Variants in BCAS1 observed in about 807,000 individuals in gnomAD.
BCAS1 encodes the protein brain enriched myelin associated protein 1.
In BCAS1, 46 loss-of-function variants were observed where a neutral mutation model predicts 65.4. That is an observed-to-expected ratio of 0.70 (90% CI 0.55 to 0.90). The LOEUF is 0.90. BCAS1 is among the 40% of genes least tolerant of loss of function. BCAS1 has a pLI of 0.00. For synonymous variants in BCAS1, 298 were observed against 293.5 expected, an observed-to-expected ratio of 1.02 and a Z score of -0.16; for missense variants, 793 against 771.2, an observed-to-expected ratio of 1.03 and a Z score of -0.33.
chr20:53,966,802 C>T (rs1746721098), intron 10 of BCAS1, 104 bp downstream of exon 10: 2 of 1,116,572 alleles, frequency 1.8e-6, no homozygotes, highest in Non-Finnish European at 2.6e-6. Flanking sequence ...ATTCCATACA[C>T]ACCAGCTACA....
At chr20:53,984,463 C>G (rs2090562017) in intron 8 of BCAS1, among the ~76,000 whole-genome samples, 1 of 152,200 alleles carries the variant, frequency 6.6e-6, no homozygotes, top group African/African-American at 2.4e-5. Context: ...CGGAGTAAAG[C>G]TGACACCACA....
Position 54,017,024 on chromosome 20 carries a change from C to T in BCAS1, c.723+11368G>A, listed in dbSNP as rs79904016. ...TCTAGCCCAGGGCCTTAGCATGGTA[C>T]ATCATCATTAATCCATAGTTATTAA... On this transcript the variant is annotated intron_variant, in intron 4 of 12. Transcript: ENST00000688948. Among the ~76,000 whole-genome samples the T allele has an allele frequency of 5.9e-5, 9 of 152,280 alleles. No homozygotes were observed. The East Asian group carries it at 1.7e-3, about 29-fold the overall frequency.
rs6127067 is a variant in BCAS1 at position 54,035,853 on chromosome 20, A to G, written c.143-6881T>C. On this transcript the variant is annotated intron_variant, in intron 3 of 12. Transcript: ENST00000688948. ...GATAAAGAAAATGTGGTACATATAC[A>G]CCATGGAATACTATGCAGCCATAAA... Among the ~76,000 whole-genome samples, 85 of 151,536 alleles carry G rather than the reference A, an allele frequency of 5.6e-4. No individual in the cohort carries two copies. In the East Asian group the frequency reaches 8.7e-3, roughly 15 times the overall value.
At chr20:54,030,715 A>G (rs559087496) in intron 3 of BCAS1, among the ~76,000 whole-genome samples, 5 of 151,504 alleles carry the variant, frequency 3.3e-5, no homozygotes, top group African/African-American at 1.2e-4. Flanking sequence ...AGCTGGATTA[A>G]GCATTGAGGC....
intron 4 of BCAS1, among the ~76,000 whole-genome samples, chr20:54,010,950 G>A (rs1317331664): frequency 6.6e-6 from 1 of 152,102 alleles, no homozygotes; most frequent in Non-Finnish European, 1.5e-5. Flanking sequence ...GACGACTTTT[G>A]ACAAAGGTGT....
chr20:54,048,992 C>G (rs2092162040), intron 3 of BCAS1, among the ~76,000 whole-genome samples: 1 of 152,192 alleles, frequency 6.6e-6, no homozygotes, highest in Non-Finnish European at 1.5e-5. Context: ...ATAGTGGACA[C>G]TAGGAGAACA....
Position 54,058,693 on chromosome 20 carries a change from T to C in BCAS1, c.26A>G (p.Gln9Arg). 1 of 1,612,614 alleles carries C rather than the reference T, an allele frequency of 6.2e-7. No homozygotes were observed. Among genetic ancestry groups the C allele is most frequent in the Non-Finnish European group, 8.5e-7 (1 of 1,179,726 alleles). ...TTCATTCTCTTGGTCTTCAACTCTT[T>C]GGGGAACACTCATTTGGTTACCCAT... MGNQMSVP[Q>R]RVEDQENEPE... Residue 9 changes from glutamine to arginine, a missense_variant, in exon 2 of 13, where the codon CAA becomes CGA. Gln to Arg is a conservative substitution (Grantham distance 43). Coordinates refer to ENST00000688948, the MANE Select transcript of BCAS1 (RefSeq NM_001366298.2).
chr20:53,991,037 G>A (rs1158029601), intron 7 of BCAS1, among the ~76,000 whole-genome samples: 1 of 152,170 alleles, frequency 6.6e-6, no homozygotes, highest in Admixed American at 6.5e-5. Flanking sequence ...TTTATTGGTG[G>A]CAAGAGATAC....
intron 4 of BCAS1, among the ~76,000 whole-genome samples, chr20:54,005,960 C>A (rs2091177503): frequency 6.6e-6 from 1 of 152,068 alleles, no homozygotes; most frequent in Non-Finnish European, 1.5e-5. Flanking sequence ...ATGGTTATAA[C>A]AATAATTTGG....
At chr20:54,067,972 C>T (rs1384193050) in intron 1 of BCAS1, among the ~76,000 whole-genome samples, 2 of 152,254 alleles carry the variant, frequency 1.3e-5, no homozygotes, top group African/African-American at 4.8e-5. Flanking sequence ...GAGGAAAGAA[C>T]AACCCCGCTT....
chr20:54,028,992 C>T lies in BCAS1; in HGVS notation c.143-20G>A. Reference sequence around the variant, plus strand: ...AGTCGACTGTAAACACAAACATAAACAGTGGTTATTCAGCCAAGCCGGGAA... The same window carrying T: ...AGTCGACTGTAAACACAAACATAAATAGTGGTTATTCAGCCAAGCCGGGAA... On this transcript the variant is annotated intron_variant, in intron 3 of 12. Coordinates refer to ENST00000688948, the MANE Select transcript of BCAS1 (RefSeq NM_001366298.2). 1 of 1,586,422 alleles carries T rather than the reference C, an allele frequency of 6.3e-7. No homozygotes were observed. The highest frequency in any genetic ancestry group is 1.1e-5 in the South Asian group (1 of 88,088).
intron 4 of BCAS1, among the ~76,000 whole-genome samples, chr20:54,009,584 C>G (rs2091277841): frequency 6.6e-6 from 1 of 152,126 alleles, no homozygotes. Context: ...AATTTAAAAA[C>G]TTCCAGGAAA....
At chr20:54,029,925 T>A (rs1163787071) in intron 3 of BCAS1, among the ~76,000 whole-genome samples, 2 of 152,194 alleles carry the variant, frequency 1.3e-5, no homozygotes, top group East Asian at 1.9e-4. Flanking sequence ...GGAAGATTTT[T>A]AAAATACAGT....
In BCAS1 at chr20:54,068,732, G is replaced by T. The variant is rs1159545866; in HGVS notation, c.-6+1701C>A. Among the ~76,000 whole-genome samples the T allele has an allele frequency of 5.9e-5, 9 of 152,226 alleles. 1 individual carries two copies. The East Asian group carries it at 1.5e-3, about 26-fold the overall frequency. ...AGGCACACCTGGGGTTTGAACCTGG[G>T]TCCACGTGACTCAGGCACTCAAATC... On this transcript the variant is annotated intron_variant, in intron 1 of 12. Transcript: ENST00000688948.
intron 4 of BCAS1, among the ~76,000 whole-genome samples, chr20:54,000,068 CTACTT>C (rs1195656656): frequency 6.6e-6 from 1 of 152,190 alleles, no homozygotes; most frequent in African/African-American, 2.4e-5. Flanking sequence ...CTTTACCACT[CTACTT>C]TAAGTTGCTA....
chr20:54,054,177 T>C (rs1364129185), intron 3 of BCAS1, among the ~76,000 whole-genome samples: 2 of 152,154 alleles, frequency 1.3e-5, no homozygotes, highest in African/African-American at 2.4e-5. Flanking sequence ...AATTACCTCC[T>C]ACTGGGTCCC....
chr20:53,946,902 T>C (rs568934702), intron 12 of BCAS1, among the ~76,000 whole-genome samples: 1 of 152,070 alleles, frequency 6.6e-6, no homozygotes, highest in African/African-American at 2.4e-5. Context: ...TATCGTATAA[T>C]ATGTAATATA....
At chr20:53,963,145 T>C (rs1304628347) in intron 10 of BCAS1, among the ~76,000 whole-genome samples, 1 of 150,940 alleles carries the variant, frequency 6.6e-6, no homozygotes, top group Non-Finnish European at 1.5e-5. Flanking sequence ...CCACCGCGCC[T>C]GGCCTCTATT....
intron 1 of BCAS1, among the ~76,000 whole-genome samples, chr20:54,059,475 C>G (rs1196346914): frequency 6.8e-6 from 1 of 147,512 alleles, no homozygotes; most frequent in Non-Finnish European, 1.5e-5. Flanking sequence ...CCTATTAAAA[C>G]CTTTTACACT....
Sources: allele counts gnomAD v4.1 joint callset (sites outside exome capture counted in the v4.1 genomes callset), GRCh38; gene constraint gnomAD v4.1.1; transcripts MANE v1.5; gene names NCBI Gene and HGNC (gene_info 2026-07-23, HGNC 2026-07-21).